The following ME1 variants were observed in gnomAD, a reference collection of about 807,000 sequenced individuals.
ME1 encodes the protein NADP-dependent malic enzyme.
ME1 carries 74 observed loss-of-function variants against 66.4 expected under a neutral mutation model. The ratio of observed to expected loss-of-function variants is 1.11; its 90% CI spans 0.92 to 1.35. ME1 has a LOEUF of 1.35. Ranked by LOEUF, ME1 falls within the 40% of genes most tolerant of loss-of-function variation. The pLI, the probability that ME1 is intolerant of heterozygous loss-of-function variation, is 0.00. For missense variants in ME1, 750 were observed against 694.1 expected (o/e 1.08, Z -0.90); for synonymous variants, 251 against 235.6 (o/e 1.07, Z -0.60).
intron 5 of ME1, among the ~76,000 whole-genome samples, chr6:83,326,957 G>A (rs1229738236): frequency 6.6e-6 from 1 of 152,206 alleles, no homozygotes; most frequent in Non-Finnish European, 1.5e-5. Context: ...AGCCATGACA[G>A]AAGAACGTGG....
At chr6:83,361,785 C>A (rs888342067) in intron 3 of ME1, among the ~76,000 whole-genome samples, 3 of 152,146 alleles carry the variant, frequency 2.0e-5, no homozygotes, top group African/African-American at 7.2e-5. Flanking sequence ...GCTTTCTGAC[C>A]CATGTAGCCA....
chr6:83,376,287 A>T (rs918825573), intron 3 of ME1, among the ~76,000 whole-genome samples: 13 of 152,154 alleles, frequency 8.5e-5, no homozygotes, highest in African/African-American at 3.1e-4. Flanking sequence ...GCCTGAGGTC[A>T]GGAGTTCAAG....
chr6:83,427,494 G>T (rs576640756), intron 1 of ME1, among the ~76,000 whole-genome samples: 6 of 152,192 alleles, frequency 3.9e-5, no homozygotes, highest in Admixed American at 2.0e-4. Context: ...AATGGCATAG[G>T]AAGTGAACTA....
Position 83,397,926 on chromosome 6 carries a change from C to A in ME1, c.362+441G>T, listed in dbSNP as rs548474886. 1.2e-3 allele frequency among the ~76,000 whole-genome samples: 176 copies of A among 152,182 alleles called. 1 individual carries two copies. The highest frequency in any genetic ancestry group is 4.1e-3 in the African/African-American group (171 of 41,504). ...CTTACATGTGGAACCTAAAAATAGT[C>A]AAACTCATAGTAGCAAAGAGAAGAA... On this transcript the variant is annotated intron_variant, in intron 3 of 13. Transcript: ENST00000369705.
intron 5 of ME1, among the ~76,000 whole-genome samples, chr6:83,326,064 T>G (rs1265997295): frequency 6.6e-6 from 1 of 150,768 alleles, no homozygotes; most frequent in Non-Finnish European, 1.5e-5. Context: ...TATAGACCAA[T>G]GGAACAGAAC....
intron 5 of ME1, among the ~76,000 whole-genome samples, chr6:83,321,229 C>G (rs1562480293): frequency 6.6e-6 from 1 of 152,168 alleles, no homozygotes; most frequent in Non-Finnish European, 1.5e-5. Flanking sequence ...ACTGGGTGGT[C>G]ATTTGGGCAG....
At chr6:83,234,134 G>T (rs964687547) in intron 9 of ME1, among the ~76,000 whole-genome samples, 2 of 152,142 alleles carry the variant, frequency 1.3e-5, no homozygotes, top group Non-Finnish European at 1.5e-5. Context: ...CTCAGTAAAT[G>T]TGTGTTAAAA....
intron 5 of ME1, among the ~76,000 whole-genome samples, chr6:83,325,076 A>G (rs1768261975): frequency 1.3e-5 from 2 of 152,346 alleles, no homozygotes; most frequent in South Asian, 4.1e-4. Flanking sequence ...GAATCAATAA[A>G]TGTAATCCAT....
At chr6:83,229,127 C>A in intron 9 of ME1, 196 bp from the exon 10 acceptor site, 1 of 609,490 alleles carries the variant, frequency 1.6e-6, no homozygotes. Context: ...TGTCAATGTT[C>A]TAGGCAATGG....
chr6:83,321,247 G>A (rs1445687122), intron 5 of ME1, among the ~76,000 whole-genome samples: 1 of 152,162 alleles, frequency 6.6e-6, no homozygotes, highest in Non-Finnish European at 1.5e-5. Flanking sequence ...CAGACACCAA[G>A]CTAGCTGCAG....
intron 3 of ME1, among the ~76,000 whole-genome samples, chr6:83,371,855 T>G (rs191285514): frequency 6.6e-5 from 10 of 152,314 alleles, no homozygotes; most frequent in Non-Finnish European, 1.2e-4. Flanking sequence ...TGTACTATTA[T>G]CATATCAATA....
intron 3 of ME1, among the ~76,000 whole-genome samples, chr6:83,355,107 A>T (rs956851852): frequency 3.9e-5 from 6 of 152,148 alleles, no homozygotes; most frequent in African/African-American, 1.4e-4. Flanking sequence ...TATAAGGTAT[A>T]TATTTCTTTT....
At chr6:83,350,929 T>C (rs1768788707) in intron 4 of ME1, among the ~76,000 whole-genome samples, 1 of 138,920 alleles carries the variant, frequency 7.2e-6, no homozygotes, top group Admixed American at 8.1e-5. Flanking sequence ...CATGGTCCTG[T>C]TGATAGCAGA....
chr6:83,225,849 C>T (rs1357119396), intron 11 of ME1, among the ~76,000 whole-genome samples: 1 of 145,056 alleles, frequency 6.9e-6, no homozygotes, highest in Admixed American at 7.0e-5. Context: ...TCCCCCACTC[C>T]TGCACTCCCA....
intron 6 of ME1, among the ~76,000 whole-genome samples, chr6:83,304,256 A>T (rs1767784859): frequency 6.6e-6 from 1 of 152,218 alleles, no homozygotes; most frequent in African/African-American, 2.4e-5. Flanking sequence ...AGTTTTACTT[A>T]TCACATGTAC....
chr6:83,363,926 A>G (rs1383999430), intron 3 of ME1, among the ~76,000 whole-genome samples: 2 of 152,116 alleles, frequency 1.3e-5, no homozygotes, highest in Non-Finnish European at 2.9e-5. Context: ...CATAATTATG[A>G]CCTTATTATT....
In ME1 at chr6:83,211,777, T is replaced by C. The variant is rs895333129; in HGVS notation, c.*147A>G. ...CTCATGTGATGTTTATCCCAATTTATATCGATATTCTTCTATCAATTTTTA... is the reference window on the plus strand; with the variant it reads ...CTCATGTGATGTTTATCCCAATTTACATCGATATTCTTCTATCAATTTTTA... On this transcript the variant is annotated 3_prime_UTR_variant, in exon 14 of 14. Coordinates refer to ENST00000369705, the MANE Select transcript of ME1 (RefSeq NM_002395.6). The C allele has an allele frequency of 5.9e-5, 31 of 524,864 alleles. No homozygotes were observed. Among genetic ancestry groups the C allele is most frequent in the Non-Finnish European group, 8.9e-5 (29 of 325,876 alleles). The allele number at this position is 524,864 out of a possible 1,614,324, so 32.5% of individuals were successfully genotyped here.
chr6:83,383,834 T>A (rs1488342000), intron 3 of ME1, among the ~76,000 whole-genome samples: 4 of 151,888 alleles, frequency 2.6e-5, no homozygotes, highest in African/African-American at 4.8e-5. Flanking sequence ...AAATTTGATA[T>A]CCTTAAGGAT....
At chr6:83,303,712 C>T (rs1181299431) in intron 6 of ME1, among the ~76,000 whole-genome samples, 4 of 152,032 alleles carry the variant, frequency 2.6e-5, no homozygotes, top group Non-Finnish European at 5.9e-5. Flanking sequence ...TTACCACTTT[C>T]ATAGAATCCT....
Sources: allele counts gnomAD v4.1 joint callset (sites outside exome capture counted in the v4.1 genomes callset), GRCh38; gene constraint gnomAD v4.1.1; transcripts MANE v1.5; gene names NCBI Gene and HGNC (gene_info 2026-07-23, HGNC 2026-07-21).